CDYL2: variants seen among roughly 807,000 people sequenced by gnomAD.
CDYL2 encodes the protein chromodomain Y-like protein 2.
CDYL2 carries 23 observed loss-of-function variants against 49.4 expected under a neutral mutation model. The observed-to-expected ratio is 0.47, with a 90% CI of 0.34 to 0.66. The LOEUF (loss-of-function observed/expected upper bound fraction) is 0.66. Ranked by LOEUF, CDYL2 falls within the 30% of genes least tolerant of loss-of-function variation. The probability of loss-of-function intolerance (pLI) is 0.01; values close to 1 mark genes in which losing one functional copy is unlikely to be tolerated. For synonymous variants in CDYL2, 360 were observed against 268.8 expected (o/e 1.34, Z -3.32); for missense variants, 678 against 656.4 (o/e 1.03, Z -0.36).
In CDYL2 at chr16:80,770,553, CA is replaced by C. The variant is rs200656249; in HGVS notation, c.24+33596del. Among the ~76,000 whole-genome samples, 72 of 149,228 alleles carry C rather than the reference CA, an allele frequency of 4.8e-4. No homozygotes were observed. The Middle Eastern group carries it at 0.01, about 22-fold the overall frequency. ...ACCACCCATATATTTTTCCTGCCCA[CA>C]AAAAAAAATAGAATTATACCACTGA... is the stretch of plus-strand genomic sequence containing the variant. On this transcript the variant is annotated intron_variant, in intron 1 of 6. Transcript: ENST00000570137.
At chr16:80,691,497 T>A (rs1445589927) in intron 1 of CDYL2, among the ~76,000 whole-genome samples, 1 of 152,192 alleles carries the variant, frequency 6.6e-6, no homozygotes, top group Admixed American at 6.5e-5. Flanking sequence ...AGGGTCTGAC[T>A]GGGGGACTCT....
rs577660666 is a variant in CDYL2 at position 80,612,297 on chromosome 16, G to A, written c.1218+329C>T. Among the ~76,000 whole-genome samples the A allele has an allele frequency of 6.6e-6, 1 of 152,316 alleles. No individual in the cohort carries two copies. The highest frequency in any genetic ancestry group is 1.9e-4 in the East Asian group (1 of 5,178). The stretch of plus-strand genomic sequence containing the variant: ...TACACCTATGCTGGACCACTCAAGA[G>A]GATGAAGGCAAGTTTTGTTGTTAAA... On this transcript the variant is annotated intron_variant, in intron 5 of 6. Transcript: ENST00000570137. This position sits in a 1 kb window ranked among gnomAD's most constrained non-coding sequence, Gnocchi z 5.0.
chr16:80,780,397 CT>C lies in CDYL2; in HGVS notation c.24+23752del, dbSNP rs1022730941. Among the ~76,000 whole-genome samples the C allele has an allele frequency of 1.2e-3, 129 of 105,358 alleles. 1 individual carries two copies. The highest frequency in any genetic ancestry group is 0.012 in the East Asian group (45 of 3,798). 69.1% of individuals were successfully genotyped at this position (105,358 alleles called of 152,430 possible). ...GGAAAATGATACAGATGCACAATAT[CT>C]TTTTTTTTTTTTTTTTTTTTTTTGC... On this transcript the variant is annotated intron_variant, in intron 1 of 6. Coordinates refer to ENST00000570137, the MANE Select transcript of CDYL2 (RefSeq NM_152342.4).
Position 80,641,809 on chromosome 16 carries a change from A to C in CDYL2, c.617-8573T>G, listed in dbSNP as rs568835451. Among the ~76,000 whole-genome samples, 6 of 151,828 alleles carry C rather than the reference A, an allele frequency of 4.0e-5. No individual in the cohort carries two copies. The South Asian group carries it at 1.3e-3, about 32-fold the overall frequency. On this transcript the variant is annotated intron_variant, in intron 2 of 6. Coordinates refer to ENST00000570137, the MANE Select transcript of CDYL2 (RefSeq NM_152342.4). ...TATACCTAACGCTAAATGACGAGTT[A>C]ACGGGTGCAGCACACCAACATGGCA...
At chr16:80,716,396 G>A (rs143857043) in intron 1 of CDYL2, among the ~76,000 whole-genome samples, 1 of 152,356 alleles carries the variant, frequency 6.6e-6, no homozygotes, top group African/African-American at 2.4e-5. Flanking sequence ...GTAGATGAAT[G>A]AGTGGGTGGG....
intron 3 of CDYL2, among the ~76,000 whole-genome samples, chr16:80,630,684 A>G (rs1907520656): frequency 6.6e-6 from 1 of 152,130 alleles, no homozygotes; most frequent in African/African-American, 2.4e-5. Context: ...TGCTCAGAGA[A>G]GGGGCAGCAC....
At chr16:80,697,762 T>A (rs1266931332) in intron 1 of CDYL2, among the ~76,000 whole-genome samples, 1 of 151,626 alleles carries the variant, frequency 6.6e-6, no homozygotes, top group African/African-American at 2.4e-5. Context: ...TTCTATACAA[T>A]CGTAACAAAC....
chr16:80,772,838 A>G (rs913637982), intron 1 of CDYL2, among the ~76,000 whole-genome samples: 4 of 151,874 alleles, frequency 2.6e-5, no homozygotes, highest in African/African-American at 9.7e-5. Flanking sequence ...AAAATAACAG[A>G]AAAAATGGAA....
chr16:80,742,297 T>A (rs1030560669), intron 1 of CDYL2: 1 of 152,208 alleles, frequency 6.6e-6, no homozygotes, highest in Non-Finnish European at 1.5e-5. Context: ...TTAAACACAT[T>A]CCAGAATATT....
Position 80,620,906 on chromosome 16 carries a change from G to A in CDYL2, c.864C>T (p.Cys288=), listed in dbSNP as rs752955955. 121 of 1,608,012 alleles carry A rather than the reference G, an allele frequency of 7.5e-5. No homozygotes were observed. Among genetic ancestry groups the A allele is most frequent in the Non-Finnish European group, 9.8e-5 (115 of 1,176,228 alleles). ...GTTTGCTGTCGTCTGTGGCTGCGTT[G>A]CAGAGCGCTCGCCGGACTTCTTTCA... is the stretch of plus-strand genomic sequence containing the variant. The part of the protein sequence containing the change: ...EIMKEVRRAL[C]NAATDDSKLL... Residue 288 remains cysteine, a synonymous_variant, in exon 4 of 7, where the codon TGC becomes TGT. Coordinates refer to ENST00000570137, the MANE Select transcript of CDYL2 (RefSeq NM_152342.4).
chr16:80,663,679 G>A (rs936341882), intron 2 of CDYL2, among the ~76,000 whole-genome samples: 5 of 151,932 alleles, frequency 3.3e-5, no homozygotes, highest in African/African-American at 4.8e-5. Flanking sequence ...TGCAACCTCC[G>A]CATCCTGGGT....
intron 1 of CDYL2, among the ~76,000 whole-genome samples, chr16:80,713,992 C>G (rs960011252): frequency 6.6e-6 from 1 of 152,172 alleles, no homozygotes; most frequent in African/African-American, 2.4e-5. Flanking sequence ...GTCTTCCCAG[C>G]AGAGGTGCCG....
chr16:80,658,107 CAA>C (rs200254127), intron 2 of CDYL2, among the ~76,000 whole-genome samples: 4 of 117,928 alleles, frequency 3.4e-5, no homozygotes, highest in African/African-American at 3.1e-5. Context: ...CTTTTTTTTC[CAA>C]AAAAAAAAAA....
At chr16:80,651,140 C>A (rs978442252) in intron 2 of CDYL2, among the ~76,000 whole-genome samples, 1 of 152,050 alleles carries the variant, frequency 6.6e-6, no homozygotes, top group African/African-American at 2.4e-5. Flanking sequence ...GGAATAAATG[C>A]TTGAGAGGGT....
At chr16:80,710,668 G>T (rs1422930116) in intron 1 of CDYL2, among the ~76,000 whole-genome samples, 1 of 152,126 alleles carries the variant, frequency 6.6e-6, no homozygotes, top group Non-Finnish European at 1.5e-5. Flanking sequence ...GATTTTAGTT[G>T]TATTGTCACG....
intron 1 of CDYL2, among the ~76,000 whole-genome samples, chr16:80,706,239 G>A (rs535531339): frequency 6.6e-6 from 1 of 152,334 alleles, no homozygotes; most frequent in South Asian, 2.1e-4. Context: ...TTGGCTACAG[G>A]CCAGTAACCT....
intron 1 of CDYL2, among the ~76,000 whole-genome samples, chr16:80,785,784 A>AACAGAACAG (rs1907415859): frequency 2.0e-5 from 3 of 152,214 alleles, no homozygotes; most frequent in Admixed American, 2.0e-4. Flanking sequence ...AATGGAACAG[A>AACAGAACAG]AAATAGGCCT....
intron 1 of CDYL2, among the ~76,000 whole-genome samples, chr16:80,797,380 A>C (rs982455112): frequency 5.3e-5 from 8 of 152,150 alleles, no homozygotes; most frequent in Non-Finnish European, 8.8e-5. Flanking sequence ...CTCAATCCCT[A>C]CAGACCATCA....
intron 4 of CDYL2, among the ~76,000 whole-genome samples, chr16:80,618,447 T>C (rs1202656227): frequency 6.6e-6 from 1 of 152,196 alleles, no homozygotes; most frequent in African/African-American, 2.4e-5. Context: ...TCAGCTTTGA[T>C]ACATCTAAGA....
Sources: allele counts gnomAD v4.1 joint callset (sites outside exome capture counted in the v4.1 genomes callset), GRCh38; gene constraint gnomAD v4.1.1; non-coding constraint Gnocchi (gnomAD v3.1); transcripts MANE v1.5; gene names NCBI Gene and HGNC (gene_info 2026-07-23, HGNC 2026-07-21).